The following CHSY3 variants were observed in gnomAD, a reference collection of about 807,000 sequenced individuals.
The protein encoded by CHSY3 is chondroitin sulfate synthase 3, also known as N-acetylgalactosaminyl-proteoglycan 3-beta-glucuronosyltransferase 3.
In CHSY3, 35 loss-of-function variants were observed where a neutral mutation model predicts 67.2. The ratio of observed to expected loss-of-function variants is 0.52; its 90% CI spans 0.40 to 0.69. The LOEUF is 0.69. CHSY3 is among the 30% of genes least tolerant of loss of function. The pLI, the probability that CHSY3 is intolerant of heterozygous loss-of-function variation, is 0.00. For synonymous variants in CHSY3, 474 were observed against 434.7 expected (o/e 1.09, Z -1.12); for missense variants, 1,069 against 1,138.5 (o/e 0.94, Z 0.88).
At chr5:130,175,644 G>T (rs961807324) in intron 2 of CHSY3, among the ~76,000 whole-genome samples, 4 of 151,378 alleles carry the variant, frequency 2.6e-5, no homozygotes, top group Non-Finnish European at 4.4e-5. Flanking sequence ...TATGGTACTG[G>T]TACCAAAACA....
intron 2 of CHSY3, among the ~76,000 whole-genome samples, chr5:130,029,516 T>C (rs1764647912): frequency 6.6e-6 from 1 of 152,074 alleles, no homozygotes; most frequent in South Asian, 2.1e-4. Context: ...ACAAGGAAAT[T>C]AAATTTACTG....
chr5:129,948,254 G>A (rs1041321916), intron 2 of CHSY3, among the ~76,000 whole-genome samples: 7 of 152,064 alleles, frequency 4.6e-5, no homozygotes, highest in East Asian at 1.9e-4. Context: ...TTATTTAGTC[G>A]TGATTTCTGA....
Position 129,965,946 on chromosome 5 carries a change from C to A in CHSY3, c.1086+57586C>A, listed in dbSNP as rs576868786. Among the ~76,000 whole-genome samples, 36 of 151,980 alleles carry A rather than the reference C, an allele frequency of 2.4e-4. No individual in the cohort carries two copies. In the South Asian group the frequency reaches 4.4e-3, roughly 18 times the overall value. The stretch of plus-strand genomic sequence containing the variant: ...TGAGGAGTAGTTGACTAACTCGTCT[C>A]ATACTCCACAGATTCTGGGTTCTGT... On this transcript the variant is annotated intron_variant, in intron 2 of 2. Coordinates refer to ENST00000305031, the MANE Select transcript of CHSY3 (RefSeq NM_175856.5).
chr5:130,158,673 G>A (rs1290704404), intron 2 of CHSY3, among the ~76,000 whole-genome samples: 1 of 152,198 alleles, frequency 6.6e-6, no homozygotes, highest in Non-Finnish European at 1.5e-5. Context: ...TTTTATAAAG[G>A]AAAGTATGGG....
At chr5:130,010,226 C>T (rs1764014424) in intron 2 of CHSY3, among the ~76,000 whole-genome samples, 3 of 152,114 alleles carry the variant, frequency 2.0e-5, no homozygotes, top group African/African-American at 7.2e-5. Context: ...CAACCACACA[C>T]TCAACCATAA....
chr5:130,164,579 T>C (rs1769673450), intron 2 of CHSY3, among the ~76,000 whole-genome samples: 1 of 152,170 alleles, frequency 6.6e-6, no homozygotes, highest in South Asian at 2.1e-4. Flanking sequence ...TTTATTCTGG[T>C]TGGATCCATA....
chr5:129,904,046 C>T (rs754212340), upstream of CHSY3, among the ~76,000 whole-genome samples: 182 of 152,208 alleles, frequency 1.2e-3, 3 homozygotes, highest in Non-Finnish European at 2.2e-3. Flanking sequence ...CTGGGGGCTC[C>T]CGGACCCGAG....
Position 130,012,711 on chromosome 5 carries a change from G to A in CHSY3, c.1086+104351G>A, listed in dbSNP as rs188235058. On this transcript the variant is annotated intron_variant, in intron 2 of 2. Transcript: ENST00000305031. ...CTAATCACTTCCCACAAGATTCCTC[G>A]TGTGACACAGGAGGATTATGGGAAC... Among the ~76,000 whole-genome samples, 6 of 152,128 alleles carry A rather than the reference G, an allele frequency of 3.9e-5. No individual in the cohort carries two copies. The East Asian group carries it at 5.8e-4, about 15-fold the overall frequency.
chr5:129,957,110 T>A (rs1269075419), intron 2 of CHSY3, among the ~76,000 whole-genome samples: 2 of 152,194 alleles, frequency 1.3e-5, no homozygotes, highest in African/African-American at 4.8e-5. Context: ...TGGAATGTTT[T>A]TCCATTTGTT....
chr5:129,915,050 C>T (rs1760690572), intron 2 of CHSY3, among the ~76,000 whole-genome samples: 1 of 152,106 alleles, frequency 6.6e-6, no homozygotes, highest in South Asian at 2.1e-4. Flanking sequence ...TTTTGGGAAA[C>T]ATTTATTTTA....
intron 2 of CHSY3, among the ~76,000 whole-genome samples, chr5:130,148,553 A>C (rs377230638): frequency 7.9e-5 from 12 of 151,920 alleles, no homozygotes; most frequent in African/African-American, 2.7e-4. Context: ...CCTGGCCAGC[A>C]CCTCTCATTT....
At chr5:129,987,427 G>C (rs190026035) in intron 2 of CHSY3, among the ~76,000 whole-genome samples, 3 of 152,104 alleles carry the variant, frequency 2.0e-5, no homozygotes, top group African/African-American at 7.2e-5. Flanking sequence ...ACAGAACTTA[G>C]GACACATTCT....
At chr5:130,178,301 G>T (rs1240807930) in intron 2 of CHSY3, among the ~76,000 whole-genome samples, 4 of 130,386 alleles carry the variant, frequency 3.1e-5, no homozygotes, top group Non-Finnish European at 6.2e-5. Flanking sequence ...TGTCACCCAG[G>T]CTGGAGTGCA....
chr5:130,143,784 GTATA>G (rs71000950), intron 2 of CHSY3, among the ~76,000 whole-genome samples: 19,013 of 73,234 alleles, frequency 0.26, 2,526 homozygotes, highest in Admixed American at 0.33. Context: ...ATATATATGT[GTATA>G]TATATATATA....
intron 2 of CHSY3, among the ~76,000 whole-genome samples, chr5:130,169,107 T>G (rs1318432488): frequency 6.6e-6 from 1 of 152,130 alleles, no homozygotes; most frequent in Admixed American, 6.6e-5. Context: ...GTATGACATC[T>G]TTCTCATGGT....
chr5:130,092,252 A>G lies in CHSY3; in HGVS notation c.1087-91977A>G, dbSNP rs1207960221. ...GACATGGGAGAATAATTTTCTCTCT[A>G]CCCTGCTACAATTTATCACACTGTG... is the stretch of plus-strand genomic sequence containing the variant. On this transcript the variant is annotated intron_variant, in intron 2 of 2. Transcript: ENST00000305031. Among the ~76,000 whole-genome samples, 31 of 152,116 alleles carry G rather than the reference A, an allele frequency of 2.0e-4. 1 individual carries two copies. The highest frequency in any genetic ancestry group is 5.9e-5 in the Non-Finnish European group (4 of 68,020).
intron 2 of CHSY3, among the ~76,000 whole-genome samples, chr5:130,012,610 A>G (rs776707684): frequency 6.6e-6 from 1 of 152,150 alleles, no homozygotes; most frequent in Non-Finnish European, 1.5e-5. Context: ...GAAATTCCAG[A>G]TGCTTATAAT....
At chr5:130,178,233 A>T (rs866445548) in intron 2 of CHSY3, among the ~76,000 whole-genome samples, 2 of 58,882 alleles carry the variant, frequency 3.4e-5, no homozygotes, top group Admixed American at 2.1e-4. Flanking sequence ...ATATTTATAT[A>T]TATATATATA....
rs898110254 is a variant in CHSY3 at position 130,180,921 on chromosome 5, T to A, written c.1087-3308T>A. On this transcript the variant is annotated intron_variant, in intron 2 of 2. Transcript: ENST00000305031. ...ATTTCAGAAATGACCTATGCTATGT[T>A]TTCATTATTAATAATTCTAAGAAAG... Among the ~76,000 whole-genome samples, 74 of 152,216 alleles carry A rather than the reference T, an allele frequency of 4.9e-4. 1 individual carries two copies. The highest frequency in any genetic ancestry group is 1.8e-3 in the African/African-American group (73 of 41,446).
Sources: allele counts gnomAD v4.1 joint callset (sites outside exome capture counted in the v4.1 genomes callset), GRCh38; gene constraint gnomAD v4.1.1; transcripts MANE v1.5; gene names NCBI Gene and HGNC (gene_info 2026-07-23, HGNC 2026-07-21).